NAV3: variants seen among roughly 807,000 people sequenced by gnomAD.
NAV3 encodes the protein pore membrane and/or filament interacting like protein 1.
In NAV3, 87 loss-of-function variants were observed where a neutral mutation model predicts 244.7. The observed-to-expected ratio is 0.36, with a 90% confidence interval of 0.30 to 0.42. The LOEUF (loss-of-function observed/expected upper bound fraction) is 0.42, where lower values mean the gene tolerates loss of function less well. NAV3 is among the 20% of genes least tolerant of loss of function. The pLI is 1.00. For missense variants in NAV3, 2,663 were observed against 2,893.3 expected, an observed-to-expected ratio of 0.92 and a Z score of 1.83; for synonymous variants, 1,126 against 1,042.2, an observed-to-expected ratio of 1.08 and a Z score of -1.55.
chr12:77,780,814 G>T (rs1474535656), intron 2 of NAV3, among the ~76,000 whole-genome samples: 1 of 152,132 alleles, frequency 6.6e-6, no homozygotes, highest in Admixed American at 6.5e-5. Context: ...CTAAGAAAAG[G>T]GAGGTCAGAG....
At chr12:78,043,274 T>C (rs974375644) in intron 9 of NAV3, among the ~76,000 whole-genome samples, 11 of 152,384 alleles carry the variant, frequency 7.2e-5, no homozygotes, top group African/African-American at 2.6e-4. Flanking sequence ...TCCATTTTTA[T>C]GGTTGCATAG....
At chr12:78,175,276 G>A (rs373672794) in intron 24 of NAV3, 30 bp from the exon 25 acceptor site, 8 of 1,607,046 alleles carry the variant, frequency 5.0e-6, no homozygotes, top group Admixed American at 1.7e-5. Context: ...CTCTTCATGA[G>A]CCGATGTGAT....
At chr12:77,798,163 AAAACAAAC>A (rs3078748) in intron 2 of NAV3, among the ~76,000 whole-genome samples, 5 of 149,802 alleles carry the variant, frequency 3.3e-5, no homozygotes, top group South Asian at 4.3e-4. Context: ...CCGTGTCTCA[AAAACAAAC>A]AAACAAACAA....
intron 2 of NAV3, among the ~76,000 whole-genome samples, chr12:77,642,137 A>C (rs147153620): frequency 1.3e-5 from 2 of 152,206 alleles, no homozygotes; most frequent in Non-Finnish European, 2.9e-5. Flanking sequence ...AAGATTGGTC[A>C]ACAGTACCTG....
At chr12:77,733,913 G>T (rs1341717320) in intron 2 of NAV3, among the ~76,000 whole-genome samples, 1 of 148,946 alleles carries the variant, frequency 6.7e-6, no homozygotes, top group Non-Finnish European at 1.5e-5. Context: ...GAGAGGTGAG[G>T]GAGTAAACTC....
chr12:78,190,064 T>C lies in NAV3; in HGVS notation c.6136T>C (p.Leu2046=). 6.2e-7 allele frequency: 1 copy of C among 1,613,268 alleles called. No homozygotes were observed. Among genetic ancestry groups the C allele is most frequent in the Non-Finnish European group, 8.5e-7 (1 of 1,179,492 alleles). ...KPITQRYFNL[L]MEHHRIILSG... is the part of the protein sequence containing the mutation. ...AATTACCCAAAGGTACTTTAACTTG[T>C]TGATGGAGCATCACAGAATTATACT... Residue 2046 remains leucine, a synonymous_variant, in exon 34 of 40, where the codon TTG becomes CTG. Coordinates refer to ENST00000397909, the MANE Select transcript of NAV3 (RefSeq NM_001024383.2).
intron 2 of NAV3, among the ~76,000 whole-genome samples, chr12:77,657,364 G>A (rs1305382414): frequency 3.3e-5 from 5 of 152,124 alleles, no homozygotes; most frequent in Admixed American, 6.5e-5. Flanking sequence ...TAGAAGAAAT[G>A]GATAAATTCC....
chr12:77,659,901 T>C (rs1873347777), intron 2 of NAV3, among the ~76,000 whole-genome samples: 1 of 147,004 alleles, frequency 6.8e-6, no homozygotes, highest in Non-Finnish European at 1.5e-5. Flanking sequence ...TAGGTGGGAA[T>C]TGAACAATGA....
intron 9 of NAV3, among the ~76,000 whole-genome samples, chr12:78,047,358 G>T (rs938358024): frequency 6.6e-6 from 1 of 152,060 alleles, no homozygotes; most frequent in Non-Finnish European, 1.5e-5. Flanking sequence ...CTGGCAACGG[G>T]TGCCTGTAGT....
chr12:77,762,967 G>A (rs1869561388), intron 2 of NAV3, among the ~76,000 whole-genome samples: 1 of 152,114 alleles, frequency 6.6e-6, no homozygotes, highest in Admixed American at 6.6e-5. Context: ...GAGTATGGAG[G>A]GAAATGTGAA....
chr12:78,168,603 T>C, intron 23 of NAV3, 152 bp from the exon 24 acceptor site: 1 of 546,214 alleles, frequency 1.8e-6, no homozygotes, highest in Non-Finnish European at 3.3e-6. Context: ...AGAAAGAAGT[T>C]ATTAGGTACA....
chr12:77,869,107 G>C (rs1006081584), intron 1 of NAV3, among the ~76,000 whole-genome samples: 1 of 152,042 alleles, frequency 6.6e-6, no homozygotes, highest in Non-Finnish European at 1.5e-5. Context: ...GAGGACGCGA[G>C]GATTAATATG....
chr12:77,732,401 A>G (rs1355204204), intron 2 of NAV3, among the ~76,000 whole-genome samples: 1 of 151,974 alleles, frequency 6.6e-6, no homozygotes, highest in Non-Finnish European at 1.5e-5. Context: ...TCACTGCTTT[A>G]TGAGGTGCTT....
intron 2 of NAV3, among the ~76,000 whole-genome samples, chr12:77,764,194 C>G (rs1592659830): frequency 6.6e-6 from 1 of 152,196 alleles, no homozygotes; most frequent in African/African-American, 2.4e-5. Context: ...CATCTGTGCA[C>G]AGGCAGTGTC....
At chr12:77,619,046 T>C (rs531458347) in intron 2 of NAV3, among the ~76,000 whole-genome samples, 1 of 152,340 alleles carries the variant, frequency 6.6e-6, no homozygotes, top group Non-Finnish European at 1.5e-5. Context: ...GTCATAATCA[T>C]TGAAAAGAAT....
chr12:77,903,180 C>A (rs968161235), intron 1 of NAV3, among the ~76,000 whole-genome samples: 35 of 152,200 alleles, frequency 2.3e-4, no homozygotes, highest in African/African-American at 7.5e-4. Context: ...GAGCCCGCAT[C>A]GCCAAGACAA....
At chr12:77,959,136 G>A (rs1235650591) in intron 3 of NAV3, among the ~76,000 whole-genome samples, 2 of 152,092 alleles carry the variant, frequency 1.3e-5, no homozygotes, top group Non-Finnish European at 2.9e-5. Context: ...TTTCTTTGAA[G>A]AACATAGTTG....
chr12:78,000,066 G>T (rs111335393), intron 7 of NAV3, among the ~76,000 whole-genome samples: 81 of 152,280 alleles, frequency 5.3e-4, no homozygotes, highest in African/African-American at 1.9e-3. Flanking sequence ...GAATTTTTCT[G>T]TAATGTGAAA....
At chr12:77,637,294 A>C (rs12422648) in intron 2 of NAV3, among the ~76,000 whole-genome samples, 1 of 152,114 alleles carries the variant, frequency 6.6e-6, no homozygotes, top group African/African-American at 2.4e-5. Context: ...AGGTGTAAAA[A>C]TTATTTATGA....
Sources: gnomAD v4.1 joint callset for allele counts (sites outside exome capture counted in the v4.1 genomes callset) on GRCh38, gnomAD v4.1.1 for gene constraint, MANE v1.5 for transcripts, NCBI Gene and HGNC (gene_info 2026-07-23, HGNC 2026-07-21) for gene names.